FGF14: variants seen among roughly 807,000 people sequenced by gnomAD.
The protein encoded by FGF14 is fibroblast growth factor 14.
In FGF14, 5 loss-of-function variants were observed where a neutral mutation model predicts 25.5. The ratio of observed to expected loss-of-function variants is 0.20; its 90% CI spans 0.10 to 0.41. The LOEUF is 0.41. FGF14 is among the 10% of genes least tolerant of loss of function. The probability of loss-of-function intolerance (pLI) is 1.00; values close to 1 mark genes in which losing one functional copy is unlikely to be tolerated. For missense variants in FGF14, 222 were observed against 320.1 expected (o/e 0.69, Z 2.34); for synonymous variants, 138 against 118.3 (o/e 1.17, Z -1.08).
chr13:101,793,621 C>A (rs533795663), intron 3 of FGF14, among the ~76,000 whole-genome samples: 9 of 152,036 alleles, frequency 5.9e-5, no homozygotes, highest in East Asian at 3.9e-4. Flanking sequence ...GATCATATGG[C>A]AATTCTATTT....
At chr13:102,353,739 T>C (rs2138995150) in intron 1 of FGF14, among the ~76,000 whole-genome samples, 3 of 152,334 alleles carry the variant, frequency 2.0e-5, no homozygotes, top group Admixed American at 2.0e-4. Flanking sequence ...CTTCCCATCC[T>C]ACACTCTCGA....
At chr13:102,065,580 T>A (rs796682435) in intron 1 of FGF14, among the ~76,000 whole-genome samples, 2 of 152,014 alleles carry the variant, frequency 1.3e-5, no homozygotes, top group Non-Finnish European at 2.9e-5. Flanking sequence ...AGCATACATA[T>A]AGTAGCCTTA....
intron 1 of FGF14, among the ~76,000 whole-genome samples, chr13:102,031,054 T>C (rs1272253546): frequency 6.6e-6 from 1 of 152,102 alleles, no homozygotes; most frequent in Non-Finnish European, 1.5e-5. Context: ...ATGCCTCCCA[T>C]ATAGTTACAT....
chr13:102,312,304 T>C (rs952479684), intron 1 of FGF14, among the ~76,000 whole-genome samples: 11 of 151,760 alleles, frequency 7.2e-5, no homozygotes, highest in Non-Finnish European at 1.5e-5. Flanking sequence ...AGAGAGCTTA[T>C]ATTAGCAACC....
At chr13:102,087,411 T>C (rs11839776) in intron 1 of FGF14, among the ~76,000 whole-genome samples, 32 of 130,442 alleles carry the variant, frequency 2.5e-4, no homozygotes, top group African/African-American at 3.8e-4. Context: ...TAATTTCTTT[T>C]TTTTTTTTTT....
intron 1 of FGF14, among the ~76,000 whole-genome samples, chr13:102,329,734 C>G (rs1433298161): frequency 6.6e-6 from 1 of 151,892 alleles, no homozygotes; most frequent in East Asian, 1.9e-4. Context: ...ACTAAGCACC[C>G]CTGCTCAGAT....
chr13:102,104,440 C>G (rs112925995), intron 1 of FGF14, among the ~76,000 whole-genome samples: 3 of 152,076 alleles, frequency 2.0e-5, no homozygotes, highest in Non-Finnish European at 4.4e-5. Flanking sequence ...ACTTATCTTC[C>G]GCTATAAATA....
intron 1 of FGF14, among the ~76,000 whole-genome samples, chr13:102,309,441 T>C (rs1348480054): frequency 6.6e-6 from 1 of 151,992 alleles, no homozygotes; most frequent in African/African-American, 2.4e-5. Flanking sequence ...GGAAGTGCAG[T>C]TTTATAGTTT....
chr13:102,311,540 ACACT>A (rs2055767422), intron 1 of FGF14, among the ~76,000 whole-genome samples: 1 of 152,140 alleles, frequency 6.6e-6, no homozygotes, highest in Non-Finnish European at 1.5e-5. Flanking sequence ...GTGTGGAAAA[ACACT>A]CCCATTACAA....
chr13:102,195,842 A>G (rs1031433565), intron 1 of FGF14, among the ~76,000 whole-genome samples: 2 of 151,958 alleles, frequency 1.3e-5, no homozygotes, highest in Admixed American at 6.6e-5. Flanking sequence ...AAAAACCCAC[A>G]TGTGGCAAAA....
chr13:101,925,051 G>GC (rs1195899609), intron 1 of FGF14, among the ~76,000 whole-genome samples: 1 of 152,090 alleles, frequency 6.6e-6, no homozygotes, highest in African/African-American at 2.4e-5. Context: ...TGTGAGCAAA[G>GC]CAAGAATAAG....
At chr13:101,738,966 A>G (rs2139767367) in intron 3 of FGF14, among the ~76,000 whole-genome samples, 1 of 148,922 alleles carries the variant, frequency 6.7e-6, no homozygotes, top group African/African-American at 2.5e-5. Context: ...GTATATATAT[A>G]TATATATGCC....
intron 1 of FGF14, among the ~76,000 whole-genome samples, chr13:102,279,930 C>T (rs1268818630): frequency 6.6e-6 from 1 of 152,192 alleles, no homozygotes; most frequent in Non-Finnish European, 1.5e-5. Flanking sequence ...AGATTCTTTC[C>T]TGCATTTACA....
intron 1 of FGF14, among the ~76,000 whole-genome samples, chr13:102,205,774 T>C (rs1369416862): frequency 1.4e-5 from 2 of 145,730 alleles, no homozygotes; most frequent in Admixed American, 1.4e-4. Context: ...CTGTTTAAAC[T>C]TCCCTCATAA....
intron 1 of FGF14, among the ~76,000 whole-genome samples, chr13:102,126,164 A>T (rs922709510): frequency 5.0e-5 from 7 of 141,040 alleles, no homozygotes; most frequent in African/African-American, 1.5e-4. Flanking sequence ...TACTTTTTCC[A>T]AAACTTTATT....
rs1199649895 is a variant in FGF14, at chr13:101,715,195, CG to C, written c.*7635del. The stretch of plus-strand genomic sequence containing the variant: ...TCCTTACTACGTAAGACTCTCTTCA[CG>C]GATTACTTGGCCTGCCTCATGTTAT... On this transcript the variant is annotated 3_prime_UTR_variant, in exon 5 of 5. Coordinates refer to ENST00000376143, the MANE Select transcript of FGF14 (RefSeq NM_004115.4). The C allele has an allele frequency of 5.3e-6, 1 of 189,560 alleles. No homozygotes were observed. The highest frequency in any genetic ancestry group is 2.4e-5 in the African/African-American group (1 of 42,358). The allele number at this position is 189,560 out of a possible 1,614,324, so 11.7% of individuals were successfully genotyped here.
intron 3 of FGF14, among the ~76,000 whole-genome samples, chr13:101,770,583 C>G (rs1224789582): frequency 6.6e-6 from 1 of 151,998 alleles, no homozygotes; most frequent in African/African-American, 2.4e-5. Flanking sequence ...TAATTGTTTT[C>G]TTTTCTTGTA....
At chr13:102,142,462 C>T (rs561097474) in intron 1 of FGF14, among the ~76,000 whole-genome samples, 3 of 152,138 alleles carry the variant, frequency 2.0e-5, no homozygotes, top group Non-Finnish European at 2.9e-5. Context: ...AATCTTGTCA[C>T]CCTGGATGTC....
chr13:102,090,567 A>G (rs375383503), intron 1 of FGF14, among the ~76,000 whole-genome samples: 1 of 152,226 alleles, frequency 6.6e-6, no homozygotes, highest in East Asian at 1.9e-4. Flanking sequence ...ATTTTCACTA[A>G]AAGCCCAGGC....
Sources: allele counts gnomAD v4.1 joint callset (sites outside exome capture counted in the v4.1 genomes callset), GRCh38; gene constraint gnomAD v4.1.1; transcripts MANE v1.5; gene names NCBI Gene and HGNC (gene_info 2026-07-23, HGNC 2026-07-21).